The following CPNE8 variants were observed in gnomAD, a reference collection of about 807,000 sequenced individuals.
The protein encoded by CPNE8 is copine-8.
CPNE8 carries 45 observed loss-of-function variants against 81.5 expected under a neutral mutation model. That is an observed-to-expected ratio of 0.55 (90% CI 0.44 to 0.71). CPNE8 has a LOEUF of 0.71. CPNE8 is among the 30% of genes least tolerant of loss of function. The pLI, the probability that CPNE8 is intolerant of heterozygous loss-of-function variation, is 0.00. For synonymous variants in CPNE8, 252 were observed against 226.3 expected (o/e 1.11, Z -1.02); for missense variants, 594 against 672.1 (o/e 0.88, Z 1.28).
intron 10 of CPNE8, among the ~76,000 whole-genome samples, chr12:38,732,581 C>T (rs963702108): frequency 6.6e-6 from 1 of 151,822 alleles, no homozygotes; most frequent in Non-Finnish European, 1.5e-5. Context: ...CTGAAAGGAC[C>T]CTTTTTATCA....
At chr12:38,831,680 C>A (rs1252042976) in intron 5 of CPNE8, among the ~76,000 whole-genome samples, 1 of 152,166 alleles carries the variant, frequency 6.6e-6, no homozygotes, top group Admixed American at 6.6e-5. Context: ...AATGGCACTT[C>A]TTTATCAATA....
intron 10 of CPNE8, among the ~76,000 whole-genome samples, chr12:38,746,732 T>G (rs1204723001): frequency 6.6e-6 from 1 of 152,178 alleles, no homozygotes; most frequent in Non-Finnish European, 1.5e-5. Flanking sequence ...ATCAAAATCA[T>G]CGTCATAAAG....
At chr12:38,765,336 T>C (rs535239385) in intron 8 of CPNE8, among the ~76,000 whole-genome samples, 1 of 152,268 alleles carries the variant, frequency 6.6e-6, no homozygotes, top group South Asian at 2.1e-4. Context: ...ATTAAGATAC[T>C]TTAAGTGAGG....
chr12:38,902,550 T>C (rs1944506561), intron 1 of CPNE8, among the ~76,000 whole-genome samples: 2 of 152,194 alleles, frequency 1.3e-5, no homozygotes, highest in African/African-American at 4.8e-5. Context: ...GGCAAGGGAA[T>C]TCCTTACTCT....
At chr12:38,663,379 A>C (rs1326472770) in intron 19 of CPNE8, among the ~76,000 whole-genome samples, 2 of 152,152 alleles carry the variant, frequency 1.3e-5, no homozygotes, top group Non-Finnish European at 2.9e-5. Context: ...GAAGGCACAC[A>C]AATGGCCAAA....
At chr12:38,829,302 G>T in intron 6 of CPNE8, 77 bp downstream of exon 6, 1 of 921,358 alleles carries the variant, frequency 1.1e-6, no homozygotes, top group Non-Finnish European at 1.8e-6. Flanking sequence ...CCACAACCAT[G>T]CATTCACCAA....
intron 6 of CPNE8, among the ~76,000 whole-genome samples, chr12:38,782,291 G>T (rs1370272368): frequency 6.6e-6 from 1 of 152,078 alleles, no homozygotes; most frequent in Non-Finnish European, 1.5e-5. Flanking sequence ...AAAGAGACTA[G>T]AATTAAAACA....
At chr12:38,905,308 C>A in intron 1 of CPNE8, 129 bp downstream of exon 1, 1 of 1,061,340 alleles carries the variant, frequency 9.4e-7, no homozygotes, top group Non-Finnish European at 1.4e-6. Flanking sequence ...AGCCCCACTA[C>A]TGAGATATTT....
chr12:38,703,061 A>T (rs1939989208), intron 13 of CPNE8, 140 bp from the exon 14 acceptor site: 1 of 492,064 alleles, frequency 2.0e-6, no homozygotes, highest in South Asian at 5.6e-5. Flanking sequence ...TACATATTGG[A>T]TAGCATCAGA....
At chr12:38,679,574 T>C (rs1939366967) in intron 16 of CPNE8, 1 of 984,794 alleles carries the variant, frequency 1.0e-6, no homozygotes, top group South Asian at 4.7e-5. Context: ...TGAAAATCAA[T>C]TACATTTTAC....
chr12:38,703,566 T>C (rs1940008222), intron 13 of CPNE8, among the ~76,000 whole-genome samples: 1 of 152,242 alleles, frequency 6.6e-6, no homozygotes, highest in East Asian at 1.9e-4. Flanking sequence ...ATGCCCACTC[T>C]CACCACTCCT....
At chr12:38,774,296 T>C (rs892801095) in intron 7 of CPNE8, among the ~76,000 whole-genome samples, 28 of 152,134 alleles carry the variant, frequency 1.8e-4, no homozygotes, top group Admixed American at 3.9e-4. Flanking sequence ...TTTGACAAAA[T>C]AGCATGTTAA....
intron 6 of CPNE8, among the ~76,000 whole-genome samples, chr12:38,803,647 G>T (rs896795257): frequency 6.7e-6 from 1 of 148,528 alleles, no homozygotes; most frequent in South Asian, 2.2e-4. Context: ...AGTGTTGGAA[G>T]TTCTGGCCAG....
chr12:38,882,523 C>A (rs986390406), intron 1 of CPNE8, among the ~76,000 whole-genome samples: 7 of 152,150 alleles, frequency 4.6e-5, no homozygotes, highest in African/African-American at 1.7e-4. Flanking sequence ...ATTATAACAG[C>A]CACAGGAAAC....
chr12:38,699,485 A>T (rs1056707988), intron 14 of CPNE8, among the ~76,000 whole-genome samples: 1 of 152,208 alleles, frequency 6.6e-6, no homozygotes, highest in African/African-American at 2.4e-5. Context: ...TTTTCATTTA[A>T]CAATATATCT....
chr12:38,899,784 A>T (rs533119407), intron 1 of CPNE8, among the ~76,000 whole-genome samples: 1 of 152,328 alleles, frequency 6.6e-6, no homozygotes, highest in South Asian at 2.1e-4. Flanking sequence ...TTAAATACAG[A>T]TGACAAAAGG....
chr12:38,738,220 C>G (rs1412666349), intron 10 of CPNE8, among the ~76,000 whole-genome samples: 1 of 152,072 alleles, frequency 6.6e-6, no homozygotes, highest in Non-Finnish European at 1.5e-5. Context: ...AGTAAATTTG[C>G]TATTGAAATT....
intron 10 of CPNE8, among the ~76,000 whole-genome samples, chr12:38,741,949 A>C (rs955245691): frequency 1.3e-5 from 2 of 152,232 alleles, no homozygotes; most frequent in African/African-American, 2.4e-5. Flanking sequence ...GCCATCAGAG[A>C]AATGCAAATC....
chr12:38,833,798 A>G (rs927670125), intron 5 of CPNE8, among the ~76,000 whole-genome samples: 4 of 152,136 alleles, frequency 2.6e-5, no homozygotes, highest in Admixed American at 6.6e-5. Flanking sequence ...AAAAATTATC[A>G]AAGGATAACA....
Sources: gnomAD v4.1 joint callset for allele counts (sites outside exome capture counted in the v4.1 genomes callset) on GRCh38, gnomAD v4.1.1 for gene constraint, MANE v1.5 for transcripts, NCBI Gene and HGNC (gene_info 2026-07-23, HGNC 2026-07-21) for gene names.